The following SLCO1A2 variants were observed in gnomAD, a reference collection of about 807,000 sequenced individuals.
SLCO1A2 encodes OATP-1.
SLCO1A2 carries 67 observed loss-of-function variants against 69.0 expected under a neutral mutation model. The ratio of observed to expected loss-of-function variants is 0.97; its 90% CI spans 0.80 to 1.19. SLCO1A2 has a LOEUF of 1.19. SLCO1A2 is among the 50% of genes most tolerant of loss of function. The probability of loss-of-function intolerance (pLI) is 0.00; values close to 1 mark genes in which losing one functional copy is unlikely to be tolerated. For synonymous variants in SLCO1A2, 260 were observed against 265.9 expected, an observed-to-expected ratio of 0.98 and a Z score of 0.22; for missense variants, 787 against 793.7, an observed-to-expected ratio of 0.99 and a Z score of 0.10.
In SLCO1A2 at chr12:21,297,451, A is replaced by AGG. The variant is rs1324476681; in HGVS notation, c.1026_1027dup (p.Leu343ProfsTer2). 1 of 1,612,894 alleles carries AGG rather than the reference A, an allele frequency of 6.2e-7. No homozygotes were observed. The highest frequency in any genetic ancestry group is 8.5e-7 in the Non-Finnish European group (1 of 1,179,138). On this transcript the variant is annotated frameshift_variant, in exon 9 of 15. Transcript: ENST00000683939. LOFTEE classifies it high-confidence loss of function. Reference sequence around the variant, plus strand: ...AGATGATATTCCATATTGCTGTTCTAGGTATTTAGGCATGAAGGAGATCAT... The same window carrying AGG: ...AGATGATATTCCATATTGCTGTTCTAGGGGTATTTAGGCATGAAGGAGATCAT...
chr12:21,383,031 C>T (rs1031032007), intron 1 of SLCO1A2, among the ~76,000 whole-genome samples: 8 of 152,108 alleles, frequency 5.3e-5, no homozygotes. Context: ...TGAAACTGGA[C>T]ACACAGGTCA....
intron 2 of SLCO1A2, among the ~76,000 whole-genome samples, chr12:21,364,550 C>A (rs994477677): frequency 1.2e-4 from 19 of 152,074 alleles, no homozygotes; most frequent in African/African-American, 4.6e-4. Flanking sequence ...CTGGCCAGGG[C>A]AATCAGGGAA....
At chr12:21,354,795 C>T (rs368176494) in intron 2 of SLCO1A2, among the ~76,000 whole-genome samples, 6 of 152,156 alleles carry the variant, frequency 3.9e-5, no homozygotes, top group African/African-American at 1.4e-4. Flanking sequence ...TGATTGCTGA[C>T]ACTACTCATA....
intron 12 of SLCO1A2, among the ~76,000 whole-genome samples, chr12:21,291,785 G>A (rs1946891540): frequency 6.6e-6 from 1 of 152,090 alleles, no homozygotes; most frequent in Non-Finnish European, 1.5e-5. Flanking sequence ...TGACAGCTTT[G>A]CACTGCTGTC....
chr12:21,282,589 G>C (rs1944999621), intron 12 of SLCO1A2, among the ~76,000 whole-genome samples: 1 of 152,086 alleles, frequency 6.6e-6, no homozygotes, highest in African/African-American at 2.4e-5. Flanking sequence ...GTCTGAGCTA[G>C]AGCAATCAGA....
chr12:21,353,983 C>T (rs1030295144), intron 2 of SLCO1A2, among the ~76,000 whole-genome samples: 12 of 152,262 alleles, frequency 7.9e-5, no homozygotes, highest in African/African-American at 2.9e-4. Context: ...TTACCACTTT[C>T]GAACATGAAT....
At chr12:21,345,902 T>C (rs553748854) in intron 2 of SLCO1A2, among the ~76,000 whole-genome samples, 1 of 152,148 alleles carries the variant, frequency 6.6e-6, no homozygotes, top group Non-Finnish European at 1.5e-5. Context: ...TTATTGCTTT[T>C]TTGTGAATAT....
At chr12:21,365,713 A>G (rs1024173175) in intron 2 of SLCO1A2, among the ~76,000 whole-genome samples, 6 of 152,188 alleles carry the variant, frequency 3.9e-5, no homozygotes, top group African/African-American at 1.4e-4. Flanking sequence ...AAAAAAACAA[A>G]CAACCCCATT....
intron 1 of SLCO1A2, among the ~76,000 whole-genome samples, chr12:21,414,116 C>G (rs1254928518): frequency 6.6e-6 from 1 of 152,118 alleles, no homozygotes; most frequent in Non-Finnish European, 1.5e-5. Flanking sequence ...TCTGGCGGAA[C>G]TATCTCCAAC....
intron 3 of SLCO1A2, among the ~76,000 whole-genome samples, chr12:21,314,887 C>T (rs912996875): frequency 2.6e-5 from 4 of 152,098 alleles, no homozygotes; most frequent in Admixed American, 2.0e-4. Flanking sequence ...TAGACAGATA[C>T]AGAAACAGAT....
intron 12 of SLCO1A2, among the ~76,000 whole-genome samples, chr12:21,276,462 G>A (rs2047967555): frequency 6.6e-6 from 1 of 150,606 alleles, no homozygotes; most frequent in African/African-American, 2.5e-5. Flanking sequence ...ATTTATAAGG[G>A]AGGGGTAGAG....
intron 1 of SLCO1A2, among the ~76,000 whole-genome samples, chr12:21,393,148 T>C (rs943574502): frequency 2.0e-5 from 3 of 152,222 alleles, no homozygotes; most frequent in African/African-American, 4.8e-5. Context: ...GAAGATTTCA[T>C]TGTACATTTA....
chr12:21,373,661 G>A (rs1685721841), intron 2 of SLCO1A2: 1 of 701,458 alleles, frequency 1.4e-6, no homozygotes, highest in Non-Finnish European at 2.6e-6. Flanking sequence ...GATAATTCCA[G>A]TTTTGTCAAG....
In SLCO1A2 at chr12:21,331,316, G is replaced by T. The variant is rs78470648; in HGVS notation, c.60+3272C>A. On this transcript the variant is annotated intron_variant, in intron 2 of 14. Transcript: ENST00000683939. ...GAAGGAGAAATAGTGTGGAAGAAAA[G>T]AAAATGAAAGAACAATTGTGTTTTT... Among the ~76,000 whole-genome samples the T allele has an allele frequency of 5.9e-3, 902 of 152,176 alleles. 5 individuals are homozygous for T. The highest frequency in any genetic ancestry group is 0.021 in the African/African-American group (866 of 41,532).
chr12:21,414,328 T>C (rs1233643099), intron 1 of SLCO1A2, among the ~76,000 whole-genome samples: 1 of 152,048 alleles, frequency 6.6e-6, no homozygotes, highest in East Asian at 1.9e-4. Context: ...CTTAAAGTTA[T>C]AAGTTTCTCT....
chr12:21,374,841 G>C (rs1049821965), intron 1 of SLCO1A2, among the ~76,000 whole-genome samples: 6 of 121,830 alleles, frequency 4.9e-5, no homozygotes, highest in African/African-American at 7.5e-5. Flanking sequence ...CTCTCTCTCT[G>C]TCTCTGTCAC....
upstream of SLCO1A2, chr12:21,418,114 A>G (rs1200974893): frequency 6.6e-6 from 1 of 152,168 alleles, no homozygotes; most frequent in African/African-American, 2.4e-5. Flanking sequence ...ACTACACCTT[A>G]GGCCAGAGGC....
At chr12:21,283,008 T>C (rs1275711104) in intron 12 of SLCO1A2, among the ~76,000 whole-genome samples, 1 of 152,134 alleles carries the variant, frequency 6.6e-6, no homozygotes. Flanking sequence ...GAATCTGCAA[T>C]CTACAGATTT....
intron 13 of SLCO1A2, 172 bp from the exon 14 acceptor site, chr12:21,274,758 T>G: frequency 1.4e-6 from 1 of 690,004 alleles, no homozygotes; most frequent in Non-Finnish European, 2.3e-6. Context: ...AGTTTCTAAA[T>G]TATTAAAAGA....
Sources: allele counts gnomAD v4.1 joint callset (sites outside exome capture counted in the v4.1 genomes callset), GRCh38; gene constraint gnomAD v4.1.1; transcripts MANE v1.5; gene names NCBI Gene and HGNC (gene_info 2026-07-23, HGNC 2026-07-21).